The following GFPT1 variants were observed in gnomAD, a reference collection of about 807,000 sequenced individuals.
The protein encoded by GFPT1 is glutamine--fructose-6-phosphate transaminase 1, also known as glutamine--fructose-6-phosphate aminotransferase [isomerizing] 1.
GFPT1 carries 40 observed loss-of-function variants against 92.0 expected under a neutral mutation model. The ratio of observed to expected loss-of-function variants is 0.43; its 90% confidence interval spans 0.34 to 0.57. GFPT1 has a LOEUF of 0.57. Ranked by LOEUF, GFPT1 falls within the 20% of genes least tolerant of loss-of-function variation. The probability of loss-of-function intolerance (pLI) is 0.02; values close to 1 mark genes in which losing one functional copy is unlikely to be tolerated. For missense variants in GFPT1, 448 were observed against 869.1 expected (o/e 0.52, Z 6.09); for synonymous variants, 269 against 280.6 (o/e 0.96, Z 0.41).
intron 12 of GFPT1, among the ~76,000 whole-genome samples, chr2:69,345,631 G>A (rs975989687): frequency 1.3e-5 from 2 of 152,118 alleles, no homozygotes; most frequent in African/African-American, 4.8e-5. Flanking sequence ...CTGAAACTCT[G>A]TACCCTTTAA....
chr2:69,350,238 T>G (rs1010418985), intron 9 of GFPT1, 55 bp from the exon 10 acceptor site: 2 of 1,069,828 alleles, frequency 1.9e-6, no homozygotes, highest in African/African-American at 1.5e-5. Context: ...ATGTCCAATG[T>G]AGAAATATGC....
At chr2:69,375,058 G>A (rs1316655714) in intron 1 of GFPT1, among the ~76,000 whole-genome samples, 1 of 152,134 alleles carries the variant, frequency 6.6e-6, no homozygotes, top group Non-Finnish European at 1.5e-5. Context: ...AATACAATGT[G>A]AACTGAACGG....
In GFPT1 at chr2:69,320,811, G is replaced by T. The variant is rs1436542900; in HGVS notation, c.*5378C>A. 6.6e-6 allele frequency: 1 copy of T among 152,044 alleles called. No homozygotes were observed. Among genetic ancestry groups the T allele is most frequent in the East Asian group, 1.9e-4 (1 of 5,200 alleles). The allele number at this position is 152,044 out of a possible 1,614,324, so 9.4% of individuals were successfully genotyped here. A position where few individuals can be genotyped will look rare whatever the true frequency, so the allele number is the denominator to read the frequency against. On this transcript the variant is annotated 3_prime_UTR_variant, in exon 20 of 20. Transcript: ENST00000357308. ...TCAAAAAAAAAAAAAAGAAGCCTCT[G>T]GAAAAAATGACGCATCTTGGTGGCG...
In GFPT1 at chr2:69,386,794, T is replaced by C. The variant is rs6725340; in HGVS notation, c.7+271A>G. ...TTCAATAAAGGCGTTTCTCTCCCCT[T>C]TCGGTTCCTTCTCCGCGCCAAGGCG... On this transcript the variant is annotated intron_variant, in intron 1 of 19. Coordinates refer to ENST00000357308, the MANE Select transcript of GFPT1 (RefSeq NM_001244710.2). 0.66 allele frequency among the ~76,000 whole-genome samples: 99,798 copies of C among 152,106 alleles called. 34,065 individuals are homozygous for C. Among genetic ancestry groups the C allele is most frequent in the African/African-American group, 0.86 (35,611 of 41,542 alleles).
At chr2:69,327,109 A>G in intron 18 of GFPT1, 34 bp from the exon 19 acceptor site, 1 of 1,606,012 alleles carries the variant, frequency 6.2e-7, no homozygotes, top group Non-Finnish European at 8.5e-7. Flanking sequence ...ACACAACATC[A>G]CTGGTGGGCA....
At chr2:69,329,661 G>A (rs1168264110) in intron 16 of GFPT1, 23 bp downstream of exon 16, 5 of 1,470,066 alleles carry the variant, frequency 3.4e-6, no homozygotes, top group South Asian at 1.1e-5. Context: ...CAACAAAAGT[G>A]TAATATATGA....
chr2:69,334,428 A>T (rs370322462), intron 15 of GFPT1, among the ~76,000 whole-genome samples: 4 of 152,180 alleles, frequency 2.6e-5, no homozygotes, highest in African/African-American at 9.6e-5. Context: ...TTTCTTATAT[A>T]GGTGGTAACC....
chr2:69,327,675 A>T (rs914813593), intron 18 of GFPT1, among the ~76,000 whole-genome samples: 1 of 152,090 alleles, frequency 6.6e-6, no homozygotes, highest in South Asian at 2.1e-4. Flanking sequence ...TACATTTTTA[A>T]ATGTTTTAGA....
chr2:69,339,785 T>G (rs1399584645), intron 13 of GFPT1, among the ~76,000 whole-genome samples: 1 of 152,192 alleles, frequency 6.6e-6, no homozygotes, highest in African/African-American at 2.4e-5. Context: ...TAAATAACTT[T>G]GATTTGGCAT....
chr2:69,368,415 C>A (rs1671662047), intron 3 of GFPT1, among the ~76,000 whole-genome samples: 1 of 151,988 alleles, frequency 6.6e-6, no homozygotes. Flanking sequence ...AGTAGACACT[C>A]AGATAACTAC....
chr2:69,386,633 T>A (rs554952175), intron 1 of GFPT1, among the ~76,000 whole-genome samples: 42 of 152,270 alleles, frequency 2.8e-4, no homozygotes, highest in African/African-American at 8.4e-4. Context: ...AAATATTTTT[T>A]TAAAGATTTT....
intron 17 of GFPT1, 71 bp downstream of exon 17, chr2:69,329,226 T>C: frequency 7.1e-7 from 1 of 1,409,382 alleles, no homozygotes; most frequent in South Asian, 1.2e-5. Context: ...ATTCATTTAA[T>C]GTAAAAGTAT....
At position 69,323,282 on chromosome 2, in the gene GFPT1, G is replaced by T. The variant is rs7568674; in HGVS notation, c.*2907C>A. 1.3e-5 allele frequency: 2 copies of T among 152,078 alleles called. No individual in the cohort carries two copies. The highest frequency in any genetic ancestry group is 4.8e-5 in the African/African-American group (2 of 41,412). The allele number at this position is 152,078 out of a possible 1,614,324, so 9.4% of individuals were successfully genotyped here. On this transcript the variant is annotated 3_prime_UTR_variant, in exon 20 of 20. Coordinates refer to ENST00000357308, the MANE Select transcript of GFPT1 (RefSeq NM_001244710.2). ...AAAACTTTAAATGTACTACAAGAAA[G>T]AACTTTTTATATGAAGGATTCTTTA...
chr2:69,357,161 A>G (rs1671357910), intron 6 of GFPT1, among the ~76,000 whole-genome samples: 1 of 152,188 alleles, frequency 6.6e-6, no homozygotes, highest in East Asian at 1.9e-4. Context: ...TCCTATCTCC[A>G]TCATCTACCT....
intron 18 of GFPT1, among the ~76,000 whole-genome samples, chr2:69,327,498 A>T (rs1670559927): frequency 6.6e-6 from 1 of 151,940 alleles, no homozygotes; most frequent in Non-Finnish European, 1.5e-5. Flanking sequence ...AATTTTTTTT[A>T]ATTTATTTTA....
intron 13 of GFPT1, among the ~76,000 whole-genome samples, chr2:69,341,155 G>A (rs1391470764): frequency 1.3e-5 from 2 of 151,394 alleles, no homozygotes; most frequent in Non-Finnish European, 2.9e-5. Context: ...ACGGGGTCTC[G>A]CTATGTTGCC....
intron 12 of GFPT1, 142 bp from the exon 13 acceptor site, chr2:69,342,391 C>T: frequency 1.5e-6 from 1 of 661,886 alleles, no homozygotes; most frequent in South Asian, 1.8e-5. Context: ...AAGCACAGTT[C>T]TCTGTAATTT....
chr2:69,360,198 A>G (rs1471953176), intron 4 of GFPT1, among the ~76,000 whole-genome samples: 1 of 151,944 alleles, frequency 6.6e-6, no homozygotes, highest in Non-Finnish European at 1.5e-5. Context: ...GCGTGGTGGC[A>G]CGTGCCTGTA....
rs534001574 is a variant in GFPT1 at position 69,383,580 on chromosome 2, GGATCT to G, written c.7+3480_7+3484del. On this transcript the variant is annotated intron_variant, in intron 1 of 19. Coordinates refer to ENST00000357308, the MANE Select transcript of GFPT1 (RefSeq NM_001244710.2). ...CAAGTTCCTTTACTGCTTTTAAAAAGGATCTCATTTGCAAACATTCCATTTATTTA... is the reference window on the plus strand; with the variant it reads ...CAAGTTCCTTTACTGCTTTTAAAAAGCATTTGCAAACATTCCATTTATTTA... Among the ~76,000 whole-genome samples the G allele has an allele frequency of 6.4e-3, 969 of 152,112 alleles. 13 individuals carry two copies. The highest frequency in any genetic ancestry group is 0.022 in the African/African-American group (913 of 41,512).
Sources: gnomAD v4.1 joint callset for allele counts (sites outside exome capture counted in the v4.1 genomes callset) on GRCh38, gnomAD v4.1.1 for gene constraint, MANE v1.5 for transcripts, NCBI Gene and HGNC (gene_info 2026-07-23, HGNC 2026-07-21) for gene names.